DNAH5: variants seen among roughly 807,000 people sequenced by gnomAD.
The protein encoded by DNAH5 is dynein axonemal heavy chain 5.
DNAH5 carries 372 observed loss-of-function variants against 518.2 expected under a neutral mutation model. The observed-to-expected ratio is 0.72, with a 90% CI of 0.66 to 0.78. DNAH5 has a LOEUF of 0.78. Ranked by LOEUF, DNAH5 falls within the 30% of genes least tolerant of loss-of-function variation. The pLI is 0.00. For missense variants in DNAH5, 5,523 were observed against 5,687.0 expected (o/e 0.97, Z 0.93); for synonymous variants, 2,039 against 2,025.9 (o/e 1.01, Z -0.17).
intron 68 of DNAH5, among the ~76,000 whole-genome samples, chr5:13,730,144 C>A (rs1746286546): frequency 6.6e-6 from 1 of 152,170 alleles, no homozygotes; most frequent in Non-Finnish European, 1.5e-5. Flanking sequence ...TGTGGTTATA[C>A]CCTAAGCTAA....
At position 13,920,497 on chromosome 5, in the gene DNAH5, T is replaced by C. The variant is rs1458308283; in HGVS notation, c.781A>G (p.Ile261Val). The C allele has an allele frequency of 1.2e-6, 2 of 1,614,210 alleles. No individual in the cohort carries two copies. Among genetic ancestry groups the C allele is most frequent in the Non-Finnish European group, 1.7e-6 (2 of 1,180,016 alleles). The part of the protein sequence containing the change: ...GKIEDCMKVW[I>V]KQTEQVLAEN... ...AAAATTACCTGTTCTGTCTGTTTGA[T>C]CCATACTTTCATGCAATCCTCTATT... Residue 261 changes from isoleucine (I) to valine (V), a missense_variant, in exon 6 of 79, where the codon ATC becomes GTC. Physicochemically the swap from Ile to Val is conservative, Grantham distance 29 (BLOSUM62 3). Around this residue, in one of 3 missense-constraint regions of DNAH5, gnomAD observed 5,121 missense variants for 5,223.3 expected, o/e 0.98. Coordinates refer to ENST00000265104, the MANE Select transcript of DNAH5 (RefSeq NM_001369.3).
At position 13,859,435 on chromosome 5, in the gene DNAH5, AAAG is replaced by A. The variant is rs1193152792; in HGVS notation, c.4950+14_4950+16del. Reference sequence around the variant, plus strand: ...TCTCTGAAAAATCTGATGAAATCATAAAGAAGATTACAAAACCTTGGGCAGCTG... The same window carrying A: ...TCTCTGAAAAATCTGATGAAATCATAAAGATTACAAAACCTTGGGCAGCTG... On this transcript the variant is annotated intron_variant, in intron 30 of 78. Transcript: ENST00000265104. 3.7e-6 allele frequency: 6 copies of A among 1,613,676 alleles called. No individual in the cohort carries two copies. The African/African-American group carries it at 5.3e-5, about 14-fold the overall frequency.
chr5:13,962,155 C>T (rs2017013), intron 1 of DNAH5, among the ~76,000 whole-genome samples: 123,544 of 152,142 alleles, frequency 0.81, 51,153 homozygotes, highest in East Asian at 1. Flanking sequence ...AAAGCTTCCT[C>T]ATGCTGCTTT....
chr5:14,001,612 C>T (rs1449040741), intron 1 of DNAH5, among the ~76,000 whole-genome samples: 1 of 151,896 alleles, frequency 6.6e-6, no homozygotes, highest in African/African-American at 2.4e-5. Flanking sequence ...ATCTGCCCGC[C>T]TCAGCCTCCC....
intron 14 of DNAH5, chr5:13,900,695 C>A: frequency 2.2e-6 from 1 of 459,270 alleles, no homozygotes; most frequent in Non-Finnish European, 3.9e-6. Context: ...TCTCAAAAGC[C>A]ATTTAGCTAC....
Position 13,753,405 on chromosome 5 carries a change from A to G in DNAH5, c.10700T>C (p.Leu3567Ser), listed in dbSNP as rs762577290. 39 of 1,613,982 alleles carry G rather than the reference A, an allele frequency of 2.4e-5. No homozygotes were observed. Among genetic ancestry groups the G allele is most frequent in the Non-Finnish European group, 3.4e-6 (4 of 1,179,982 alleles). ...FGKNLNLSEMLIDAPTISEWN... is the reference protein window; with the variant it reads ...FGKNLNLSEMSIDAPTISEWN... ...TTCACTAATAGTAGGAGCATCAATC[A>G]ACATCTCACTGAGATTTAGGTTCTT... Residue 3567 changes from leucine (L) to serine (S), a missense_variant, in exon 63 of 79, where the codon TTG becomes TCG. Leu to Ser is a moderately radical substitution (Grantham distance 145). Coordinates refer to ENST00000265104, the MANE Select transcript of DNAH5 (RefSeq NM_001369.3).
At position 13,742,832 on chromosome 5, in the gene DNAH5, T is replaced by C. The variant is rs181346303; in HGVS notation, c.11212-5337A>G. The stretch of plus-strand genomic sequence containing the variant: ...GTATAATTGAAAATACTATTTGGAA[T>C]CCCAAAAGCAATCTGTATATTAAAT... On this transcript the variant is annotated intron_variant, in intron 65 of 78. Transcript: ENST00000265104. 3.6e-4 allele frequency among the ~76,000 whole-genome samples: 55 copies of C among 151,930 alleles called. 1 individual carries two copies. Among genetic ancestry groups the C allele is most frequent in the Non-Finnish European group, 8.8e-5 (6 of 67,912 alleles).
At chr5:13,730,530 G>T (rs1465229185) in intron 68 of DNAH5, among the ~76,000 whole-genome samples, 1 of 151,946 alleles carries the variant, frequency 6.6e-6, no homozygotes, top group Admixed American at 6.6e-5. Context: ...CGCCTCCCAG[G>T]TTCATGCCAT....
rs76265239 is a variant in DNAH5, at chr5:13,941,944, C to G, written c.57+2438G>C. ...TTTTCTGGAAGTCAACAAAGTCAACCAACAAAGTTATAGACTTCAGTTTCA... is the reference window on the plus strand; with the variant it reads ...TTTTCTGGAAGTCAACAAAGTCAACGAACAAAGTTATAGACTTCAGTTTCA... On this transcript the variant is annotated intron_variant, in intron 1 of 78. Coordinates refer to ENST00000265104, the MANE Select transcript of DNAH5 (RefSeq NM_001369.3). Among the ~76,000 whole-genome samples, 430 of 152,214 alleles carry G rather than the reference C, an allele frequency of 2.8e-3. 15 individuals are homozygous for G. In the East Asian group the frequency reaches 0.077, roughly 27 times the overall value.
At chr5:13,803,120 T>G (rs1257045001) in intron 47 of DNAH5, among the ~76,000 whole-genome samples, 1 of 152,194 alleles carries the variant, frequency 6.6e-6, no homozygotes, top group Non-Finnish European at 1.5e-5. Flanking sequence ...CTCTATACAC[T>G]AGCACCTAAA....
intron 3 of DNAH5, among the ~76,000 whole-genome samples, chr5:13,927,360 C>T (rs538369838): frequency 1.3e-5 from 2 of 152,046 alleles, no homozygotes; most frequent in South Asian, 2.1e-4. Context: ...GGCGTGGTGG[C>T]GCGCACCTGT....
At chr5:13,872,923 G>C (rs971266175) in intron 22 of DNAH5, among the ~76,000 whole-genome samples, 1 of 152,090 alleles carries the variant, frequency 6.6e-6, no homozygotes, top group African/African-American at 2.4e-5. Context: ...ATACAGAGCA[G>C]AATGATAGAT....
At chr5:13,812,772 A>T (rs1561327915) in intron 43 of DNAH5, among the ~76,000 whole-genome samples, 1 of 152,208 alleles carries the variant, frequency 6.6e-6, no homozygotes, top group Non-Finnish European at 1.5e-5. Context: ...CATCTCATAA[A>T]TACCACTTAA....
Position 13,804,242 on chromosome 5 carries a change from C to T in DNAH5, c.7887+3349G>A, listed in dbSNP as rs144970092. On this transcript the variant is annotated intron_variant, in intron 47 of 78. Transcript: ENST00000265104. ...GATGCTATTAATTATTAATCTGAGA[C>T]AATGAAAGTAACCTGGATTGTCCGA... Among the ~76,000 whole-genome samples the T allele has an allele frequency of 4.1e-3, 618 of 152,272 alleles. 3 individuals are homozygous for T. Among genetic ancestry groups the T allele is most frequent in the African/African-American group, 0.014 (594 of 41,552 alleles).
chr5:13,862,795 C>A (rs1233072712), intron 28 of DNAH5, 48 bp from the exon 29 acceptor site: 1 of 1,501,648 alleles, frequency 6.7e-7, no homozygotes, highest in South Asian at 1.1e-5. Flanking sequence ...GTCACACGTC[C>A]TTCCTTAATA....
Position 13,890,982 on chromosome 5 carries a change from C to T in DNAH5, c.2571G>A (p.Met857Ile), listed in dbSNP as rs199667661. 422 of 1,613,948 alleles carry T rather than the reference C, an allele frequency of 2.6e-4. 1 individual carries two copies. Among genetic ancestry groups the T allele is most frequent in the Non-Finnish European group, 3.2e-4 (383 of 1,180,002 alleles). Residue 857 changes from methionine to isoleucine, a missense_variant, in exon 17 of 79, where the codon ATG becomes ATA. Around this residue, in one of 3 missense-constraint regions of DNAH5, gnomAD observed 5,121 missense variants for 5,223.3 expected, o/e 0.98. Transcript: ENST00000265104. ...EPLTCEEFLQ[M>I]TKDLCVNGAQ... is the part of the protein sequence containing the mutation. ...AAATCAAGGTTTTAATGACCTTTGT[C>T]ATTTGGAGAAACTCTTCACAGGTTA...
chr5:13,904,776 T>C (rs139883784), intron 12 of DNAH5, among the ~76,000 whole-genome samples: 1 of 152,156 alleles, frequency 6.6e-6, no homozygotes, highest in Admixed American at 6.5e-5. Context: ...CTGGGCATGG[T>C]GGCATGCACC....
At chr5:13,833,061 T>C (rs1291972479) in intron 35 of DNAH5, among the ~76,000 whole-genome samples, 2 of 151,236 alleles carry the variant, frequency 1.3e-5, no homozygotes, top group Non-Finnish European at 2.9e-5. Flanking sequence ...TTGGTTTAGT[T>C]ACAGACTCTT....
At chr5:13,794,602 T>C (rs1008150218) in intron 47 of DNAH5, among the ~76,000 whole-genome samples, 3 of 152,244 alleles carry the variant, frequency 2.0e-5, no homozygotes, top group Admixed American at 6.5e-5. Context: ...AGCTCACTTA[T>C]GTCTTCTCTC....
Sources: allele counts gnomAD v4.1 joint callset (sites outside exome capture counted in the v4.1 genomes callset), GRCh38; gene constraint gnomAD v4.1.1; regional missense constraint gnomAD v4.1.1; transcripts MANE v1.5; gene names NCBI Gene and HGNC (gene_info 2026-07-23, HGNC 2026-07-21).